Variants in TIMD4 observed in about 807,000 individuals in gnomAD.
TIMD4 encodes T cell immunoglobulin and mucin domain containing 4.
Under a neutral mutation model 41.2 loss-of-function variants are expected in TIMD4, and 31 were observed. The ratio of observed to expected loss-of-function variants is 0.75; its 90% CI spans 0.57 to 1.01. The LOEUF (loss-of-function observed/expected upper bound fraction) is 1.01, where lower values mean the gene tolerates loss of function less well. Among genes scored for constraint, TIMD4 ranks in the 50% least tolerant of loss-of-function variants. The probability of loss-of-function intolerance (pLI) is 0.00; values close to 1 mark genes in which losing one functional copy is unlikely to be tolerated. For synonymous variants in TIMD4, 204 were observed against 177.1 expected (o/e 1.15, Z -1.21); for missense variants, 479 against 472.5 (o/e 1.01, Z -0.13).
intron 6 of TIMD4, among the ~76,000 whole-genome samples, chr5:156,922,952 TTTG>T (rs1336546500): frequency 3.3e-5 from 5 of 152,222 alleles, no homozygotes; most frequent in South Asian, 2.1e-4. Flanking sequence ...ACAAAGTGAG[TTTG>T]TTGTTATTTT....
Position 156,954,406 on chromosome 5 carries a change from T to A in TIMD4, c.400+9A>T. Reference sequence around the variant, plus strand: ...CCTTCCGCAGGCATGAGGCCCTTCGTGTGCTTACCTCTCTGTAGATTCAGG... The same window carrying A: ...CCTTCCGCAGGCATGAGGCCCTTCGAGTGCTTACCTCTCTGTAGATTCAGG... On this transcript the variant is annotated intron_variant, in intron 2 of 8. Coordinates refer to ENST00000274532, the MANE Select transcript of TIMD4 (RefSeq NM_138379.3). 1 of 1,609,006 alleles carries A rather than the reference T, an allele frequency of 6.2e-7. No individual in the cohort carries two copies. Among genetic ancestry groups the A allele is most frequent in the East Asian group, 2.2e-5 (1 of 44,860 alleles).
At chr5:156,937,498 A>T (rs929236506) in intron 5 of TIMD4, among the ~76,000 whole-genome samples, 2 of 152,008 alleles carry the variant, frequency 1.3e-5, no homozygotes, top group Admixed American at 1.3e-4. Context: ...CATCAGAGAG[A>T]TGTTTTGGCC....
chr5:156,954,659 C>T lies in TIMD4; in HGVS notation c.156G>A (p.Met52Ile), dbSNP rs1024646528. The T allele has an allele frequency of 3.1e-6, 5 of 1,614,132 alleles. No individual in the cohort carries two copies. Among genetic ancestry groups the T allele is most frequent in the Non-Finnish European group, 4.2e-6 (5 of 1,180,062 alleles). ...AGGGGCACTGGTCTTTCCCCCAGCACATGCTGTTGCTGTTGTGAGACCAGG... is the reference window on the plus strand; with the variant it reads ...AGGGGCACTGGTCTTTCCCCCAGCATATGCTGTTGCTGTTGTGAGACCAGG... ...YSSWSHNSNSMCWGKDQCPYS... is the reference protein window; with the variant it reads ...YSSWSHNSNSICWGKDQCPYS... Residue 52 changes from methionine (M) to isoleucine (I), a missense_variant, in exon 2 of 9, where the codon ATG becomes ATA. Coordinates refer to ENST00000274532, the MANE Select transcript of TIMD4 (RefSeq NM_138379.3).
intron 6 of TIMD4, chr5:156,924,255 C>T (rs1759306488): frequency 5.2e-6 from 2 of 383,102 alleles, no homozygotes; most frequent in African/African-American, 2.1e-5. Flanking sequence ...ACTAAGTTCT[C>T]GAGGGCTAAT....
chr5:156,953,579 G>A (rs151235633), intron 2 of TIMD4, among the ~76,000 whole-genome samples: 144 of 149,220 alleles, frequency 9.7e-4, no homozygotes, highest in African/African-American at 3.2e-3. Flanking sequence ...CGCTTGAACC[G>A]GGAAGTAGAG....
At chr5:156,947,003 A>C (rs28581508) in intron 5 of TIMD4, among the ~76,000 whole-genome samples, 6,133 of 151,908 alleles carry the variant, frequency 0.04, 317 homozygotes, top group African/African-American at 0.12. Context: ...TTCAAGACCA[A>C]CCAGGGCAAC....
At chr5:156,932,742 C>T (rs1326110437) in intron 5 of TIMD4, among the ~76,000 whole-genome samples, 3 of 152,232 alleles carry the variant, frequency 2.0e-5, no homozygotes, top group African/African-American at 7.2e-5. Context: ...TGCAGTGACT[C>T]ACGCCTGTAA....
rs1759923469 is a variant in TIMD4 at position 156,954,409 on chromosome 5, G to T, written c.400+6C>A. 1 of 1,610,572 alleles carries T rather than the reference G, an allele frequency of 6.2e-7. No homozygotes were observed. The highest frequency in any genetic ancestry group is 1.3e-5 in the African/African-American group (1 of 74,874). ...TCCGCAGGCATGAGGCCCTTCGTGT[G>T]CTTACCTCTCTGTAGATTCAGGCGC... On this transcript the variant is annotated splice_donor_region_variant and intron_variant, in intron 2 of 8. Transcript: ENST00000274532.
intron 4 of TIMD4, 88 bp downstream of exon 4, chr5:156,949,563 A>T: frequency 1.7e-6 from 2 of 1,146,146 alleles, no homozygotes; most frequent in South Asian, 1.3e-5. Context: ...AGAGGTTGTC[A>T]GTCATCTGAT....
intron 1 of TIMD4, among the ~76,000 whole-genome samples, chr5:156,960,123 A>G (rs1760052465): frequency 6.6e-6 from 1 of 151,910 alleles, no homozygotes; most frequent in African/African-American, 2.4e-5. Flanking sequence ...AAAACAAAAA[A>G]CAGCTCACCA....
intron 1 of TIMD4, among the ~76,000 whole-genome samples, chr5:156,962,255 G>A (rs1008816458): frequency 1.3e-5 from 2 of 152,294 alleles, no homozygotes; most frequent in Admixed American, 6.5e-5. Flanking sequence ...ATAACTAGAA[G>A]AGAACATTTG....
chr5:156,956,281 C>T (rs76589399), intron 1 of TIMD4, among the ~76,000 whole-genome samples: 20 of 151,924 alleles, frequency 1.3e-4, no homozygotes, highest in African/African-American at 4.3e-4. Context: ...TTTTTGTTAA[C>T]GTTAGAGCTA....
chr5:156,944,846 G>C (rs1278457083), intron 5 of TIMD4, among the ~76,000 whole-genome samples: 3 of 151,916 alleles, frequency 2.0e-5, no homozygotes, highest in Non-Finnish European at 4.4e-5. Flanking sequence ...ACTGTGCCTG[G>C]CCAGCTGTGT....
intron 1 of TIMD4, among the ~76,000 whole-genome samples, chr5:156,959,491 T>A (rs1447738695): frequency 1.3e-5 from 2 of 152,168 alleles, no homozygotes; most frequent in Admixed American, 1.3e-4. Context: ...TGTAAAAGTA[T>A]CCCTGAGTAA....
Position 156,926,407 on chromosome 5 carries a change from C to T in TIMD4, c.845-95G>A, listed in dbSNP as rs545067042. 6.6e-6 allele frequency: 8 copies of T among 1,208,148 alleles called. No individual in the cohort carries two copies. In the South Asian group the frequency reaches 8.8e-5, roughly 13 times the overall value. 74.8% of individuals were successfully genotyped at this position (1,208,148 alleles called of 1,614,324 possible). On this transcript the variant is annotated intron_variant, in intron 5 of 8. Coordinates refer to ENST00000274532, the MANE Select transcript of TIMD4 (RefSeq NM_138379.3). ...GTAATTAAGAGTCCATCTGGAACTG[C>T]AGCTGATGTGTTTAATTATTTAATC... is the stretch of plus-strand genomic sequence containing the variant.
chr5:156,922,994 A>C (rs1759276732), intron 6 of TIMD4, among the ~76,000 whole-genome samples: 1 of 152,210 alleles, frequency 6.6e-6, no homozygotes, highest in South Asian at 2.1e-4. Context: ...TAAATGTTTT[A>C]AATACAGATA....
At chr5:156,924,295 C>T in intron 6 of TIMD4, 1 of 354,752 alleles carries the variant, frequency 2.8e-6, no homozygotes. Context: ...AAGGACCCAG[C>T]TTAGGAAAGC....
intron 5 of TIMD4, among the ~76,000 whole-genome samples, chr5:156,941,649 G>A (rs376178068): frequency 1.3e-5 from 2 of 152,102 alleles, no homozygotes; most frequent in African/African-American, 4.8e-5. Context: ...GGGCCCCAGT[G>A]TGCCTTTTCT....
chr5:156,950,181 G>A (rs1024398050), intron 3 of TIMD4, among the ~76,000 whole-genome samples: 7 of 152,002 alleles, frequency 4.6e-5, no homozygotes, highest in Non-Finnish European at 2.9e-5. Context: ...GTCCAGGCTG[G>A]AACTGACTTC....
Sources: allele counts gnomAD v4.1 joint callset (sites outside exome capture counted in the v4.1 genomes callset), GRCh38; gene constraint gnomAD v4.1.1; transcripts MANE v1.5; gene names NCBI Gene and HGNC (gene_info 2026-07-23, HGNC 2026-07-21).